CFAP221: variants seen among roughly 807,000 people sequenced by gnomAD.
CFAP221 encodes cilia and flagella associated protein 221, also known as cilia- and flagella-associated protein 221.
CFAP221 carries 97 observed loss-of-function variants against 113.1 expected under a neutral mutation model. The ratio of observed to expected loss-of-function variants is 0.86; its 90% CI spans 0.73 to 1.02. The LOEUF is 1.02. Ranked by LOEUF, CFAP221 falls within the 50% of genes least tolerant of loss-of-function variation. The probability of loss-of-function intolerance (pLI) is 0.00; values close to 1 mark genes in which losing one functional copy is unlikely to be tolerated. For synonymous variants in CFAP221, 331 were observed against 354.4 expected, an observed-to-expected ratio of 0.93 and a Z score of 0.74; for missense variants, 1,025 against 1,013.4, an observed-to-expected ratio of 1.01 and a Z score of -0.16.
chr2:119,564,780 G>A (rs963651326), intron 6 of CFAP221, among the ~76,000 whole-genome samples: 3 of 152,306 alleles, frequency 2.0e-5, no homozygotes, highest in Non-Finnish European at 2.9e-5. Flanking sequence ...CTGATGGACC[G>A]ATGGGTAGTT....
At chr2:119,628,294 G>T (rs3897031) in intron 16 of CFAP221, among the ~76,000 whole-genome samples, 1,693 of 137,514 alleles carry the variant, frequency 0.012, 51 homozygotes, top group African/African-American at 0.02. Context: ...CTCTCTGGGG[G>T]GTGTGTGTGT....
chr2:119,550,747 C>T (rs951027290), intron 3 of CFAP221, among the ~76,000 whole-genome samples: 3 of 152,146 alleles, frequency 2.0e-5, no homozygotes, highest in Non-Finnish European at 4.4e-5. Context: ...ATTGAGTGAT[C>T]ATTTATTACC....
downstream of CFAP221, among the ~76,000 whole-genome samples, chr2:119,657,065 C>T (rs368798038): frequency 7.2e-5 from 11 of 152,206 alleles, no homozygotes; most frequent in East Asian, 1.7e-3. Flanking sequence ...CCAGGAGTTC[C>T]AGTGAACACA....
At chr2:119,547,411 T>G (rs2105002574) in intron 2 of CFAP221, among the ~76,000 whole-genome samples, 1 of 152,016 alleles carries the variant, frequency 6.6e-6, no homozygotes, top group African/African-American at 2.4e-5. Flanking sequence ...ATACAAAAAT[T>G]AGCTGTGTGT....
At chr2:119,546,948 C>T (rs750776712) in intron 2 of CFAP221, among the ~76,000 whole-genome samples, 9 of 152,170 alleles carry the variant, frequency 5.9e-5, no homozygotes, top group Non-Finnish European at 8.8e-5. Flanking sequence ...GATCTATTTA[C>T]GTTTTACTCT....
At chr2:119,616,415 T>C (rs865902828) in intron 14 of CFAP221, among the ~76,000 whole-genome samples, 11 of 152,336 alleles carry the variant, frequency 7.2e-5, no homozygotes, top group African/African-American at 2.6e-4. Context: ...TATTGATCAG[T>C]TACTTCTAGG....
chr2:119,584,537 T>C (rs1683071457), intron 6 of CFAP221, among the ~76,000 whole-genome samples: 1 of 151,706 alleles, frequency 6.6e-6, no homozygotes, highest in Non-Finnish European at 1.5e-5. Context: ...CAGTGAGCTA[T>C]GATTATGCCA....
chr2:119,604,924 T>C lies in CFAP221; in HGVS notation c.961T>C (p.Phe321Leu). Residue 321 changes from phenylalanine (F) to leucine (L), a missense_variant, in exon 10 of 24, where the codon TTT becomes CTT. Coordinates refer to ENST00000413369, the MANE Select transcript of CFAP221 (RefSeq NM_001271049.2). ...LRFPVDLSNP[F>L]AVATVLNQEP... ...ATTTCCAGTAGATTTATCGAATCCA[T>C]TTGCTGTGGCAACTGTTTTAAACCA... 6.2e-7 allele frequency: 1 copy of C among 1,614,134 alleles called. No individual in the cohort carries two copies. Among genetic ancestry groups the C allele is most frequent in the Admixed American group, 1.7e-5 (1 of 60,012 alleles).
intron 8 of CFAP221, among the ~76,000 whole-genome samples, chr2:119,603,991 T>C (rs1013540325): frequency 3.3e-5 from 5 of 152,190 alleles, no homozygotes; most frequent in Non-Finnish European, 7.3e-5. Flanking sequence ...TTTTGAAACA[T>C]CTTGCTACAA....
intron 14 of CFAP221, among the ~76,000 whole-genome samples, chr2:119,623,070 G>A (rs549236855): frequency 6.6e-6 from 1 of 152,340 alleles, no homozygotes; most frequent in East Asian, 1.9e-4. Context: ...AAGAGAGGAA[G>A]TCAAATTGTC....
At chr2:119,645,108 C>T in intron 21 of CFAP221, among the ~76,000 whole-genome samples, 1 of 148,958 alleles carries the variant, frequency 6.7e-6, no homozygotes, top group African/African-American at 2.5e-5. Flanking sequence ...CTTTAGCTCT[C>T]TCTCTCTCTC....
intron 21 of CFAP221, 29 bp from the exon 22 acceptor site, chr2:119,646,929 C>A (rs370978468): frequency 1.6e-4 from 260 of 1,581,290 alleles, no homozygotes; most frequent in Middle Eastern, 5.0e-4. Flanking sequence ...GTGACTCTAT[C>A]TTTGACTGCT....
At chr2:119,638,132 A>T in intron 19 of CFAP221, 127 bp from the exon 20 acceptor site, 1 of 904,980 alleles carries the variant, frequency 1.1e-6, no homozygotes, top group Non-Finnish European at 1.6e-6. Context: ...TTTTCCAGAC[A>T]AGCTGACATG....
rs189842201 is a variant in CFAP221, at chr2:119,638,365, C to T, written c.2081C>T (p.Ser694Phe). Residue 694 changes from serine (S) to phenylalanine (F), a missense_variant, in exon 20 of 24, where the codon TCC (serine) becomes TTC (phenylalanine). By Grantham distance (155) the Ser-to-Phe change is radical. Coordinates refer to ENST00000413369, the MANE Select transcript of CFAP221 (RefSeq NM_001271049.2). Reference protein sequence around the residue: ...SHPKYKFTKESRHGSSIPVTQ... With the variant: ...SHPKYKFTKEFRHGSSIPVTQ... ...CCCAAGTACAAATTCACCAAAGAGT[C>T]CCGCCACGGGTCCAGCATTCCTGTC... 2 of 1,614,166 alleles carry T rather than the reference C, an allele frequency of 1.2e-6. No homozygotes were observed. The highest frequency in any genetic ancestry group is 2.2e-5 in the South Asian group (2 of 91,088).
At chr2:119,632,211 A>G (rs1378009773) in intron 19 of CFAP221, among the ~76,000 whole-genome samples, 1 of 152,234 alleles carries the variant, frequency 6.6e-6, no homozygotes, top group African/African-American at 2.4e-5. Context: ...TTACAGGAAA[A>G]AAAAGAAAAG....
At chr2:119,559,362 T>A (rs1270129480) in intron 3 of CFAP221, among the ~76,000 whole-genome samples, 1 of 152,094 alleles carries the variant, frequency 6.6e-6, no homozygotes, top group African/African-American at 2.4e-5. Context: ...CTAAATTGAA[T>A]TAAACAAAAA....
intron 3 of CFAP221, among the ~76,000 whole-genome samples, chr2:119,558,380 G>A (rs935229278): frequency 7.9e-5 from 12 of 152,316 alleles, no homozygotes; most frequent in Admixed American, 4.6e-4. Context: ...CATGTGCAGG[G>A]CCCCTTGGAG....
intron 6 of CFAP221, among the ~76,000 whole-genome samples, chr2:119,582,297 T>G (rs1358478360): frequency 1.6e-4 from 24 of 152,224 alleles, no homozygotes. Context: ...GTACTTTTTG[T>G]TGTTTAAGCT....
intron 3 of CFAP221, among the ~76,000 whole-genome samples, chr2:119,558,527 C>T (rs1050741652): frequency 6.6e-6 from 1 of 152,146 alleles, no homozygotes; most frequent in Non-Finnish European, 1.5e-5. Flanking sequence ...ACTTTTTAAA[C>T]ACATGCATGA....
Sources: gnomAD v4.1 joint callset for allele counts (sites outside exome capture counted in the v4.1 genomes callset) on GRCh38, gnomAD v4.1.1 for gene constraint, MANE v1.5 for transcripts, NCBI Gene and HGNC (gene_info 2026-07-23, HGNC 2026-07-21) for gene names.